TRIM63: variants seen among roughly 807,000 people sequenced by gnomAD.
TRIM63 encodes the protein tripartite motif containing 63, also known as E3 ubiquitin-protein ligase TRIM63.
In TRIM63, 48 loss-of-function variants were observed where a neutral mutation model predicts 46.0. That is an observed-to-expected ratio of 1.04 (90% confidence interval 0.83 to 1.33). The LOEUF is 1.33. Among genes scored for constraint, TRIM63 ranks in the 40% most tolerant of loss-of-function variants. The pLI is 0.00. For synonymous variants in TRIM63, 175 were observed against 162.8 expected (o/e 1.08, Z -0.57); for missense variants, 455 against 441.2 (o/e 1.03, Z -0.28).
Position 26,057,239 on chromosome 1 carries a change from T to C in TRIM63, c.943A>G (p.Ile315Val), listed in dbSNP as rs767717844. ...TCAATGGCTCTCAGGGCGTCTGCTA[T>C]GTGCTCTAAATCCAAAGTAAAGAAG... Reference protein sequence around the residue: ...MDFFTLDLEHIADALRAIDFG... With the variant: ...MDFFTLDLEHVADALRAIDFG... The change falls in exon 7 of 9, where the codon ATA becomes GTA. Residue 315 changes from isoleucine (I) to valine (V), a missense_variant. Coordinates refer to ENST00000374272, the MANE Select transcript of TRIM63 (RefSeq NM_032588.4). The C allele has an allele frequency of 1.9e-6, 3 of 1,614,092 alleles. No individual in the cohort carries two copies. Among genetic ancestry groups the C allele is most frequent in the African/African-American group, 1.3e-5 (1 of 74,930 alleles).
intron 2 of TRIM63, among the ~76,000 whole-genome samples, chr1:26,064,186 T>C (rs2050653349): frequency 6.6e-6 from 1 of 152,084 alleles, no homozygotes; most frequent in Non-Finnish European, 1.5e-5. Flanking sequence ...ATCCCAGCAC[T>C]TTGGGAGGCT....
rs112439606 is a variant in TRIM63 at position 26,063,608 on chromosome 1, T to C, written c.333-2274A>G. Among the ~76,000 whole-genome samples the C allele has an allele frequency of 4.3e-3, 655 of 152,314 alleles. 1 individual carries two copies. The highest frequency in any genetic ancestry group is 7.6e-3 in the Non-Finnish European group (518 of 68,016). On this transcript the variant is annotated intron_variant, in intron 2 of 8. Coordinates refer to ENST00000374272, the MANE Select transcript of TRIM63 (RefSeq NM_032588.4). Reference sequence around the variant, plus strand: ...TTCATGCGCCCGCAGCCCTCCCAGATGCCCACCCTCCCAAGCTCAGACTTT... The same window carrying C: ...TTCATGCGCCCGCAGCCCTCCCAGACGCCCACCCTCCCAAGCTCAGACTTT...
intron 1 of TRIM63, among the ~76,000 whole-genome samples, chr1:26,067,011 T>C (rs2050684491): frequency 6.6e-6 from 1 of 151,944 alleles, no homozygotes; most frequent in Admixed American, 6.6e-5. Context: ...GCCCCAGGGG[T>C]CTGGTTTCTC....
intron 7 of TRIM63, 65 bp from the exon 8 acceptor site, chr1:26,054,029 C>T (rs539175408): frequency 2.4e-6 from 3 of 1,234,762 alleles, no homozygotes; most frequent in Admixed American, 2.3e-5. Flanking sequence ...TGAAGAGGAA[C>T]CAGGCAAGAG....
At chr1:26,053,461 C>T (rs2124434886) in intron 8 of TRIM63, among the ~76,000 whole-genome samples, 1 of 152,080 alleles carries the variant, frequency 6.6e-6, no homozygotes, top group African/African-American at 2.4e-5. Context: ...ACCATGTTGG[C>T]CAGGCTGGCC....
Position 26,066,375 on chromosome 1 carries a change from G to A in TRIM63, c.225C>T (p.Cys75=). ...TGATCACCTCGTGGCGGCAGGTGGG[G>A]CAGCGGAAACGGCCTCCAGACATGG... The part of the protein sequence containing the change: ...SVSMSGGRFR[C]PTCRHEVIMD... The change falls in exon 2 of 9, where the codon TGC becomes TGT. Residue 75 remains cysteine, a synonymous_variant. Coordinates refer to ENST00000374272, the MANE Select transcript of TRIM63 (RefSeq NM_032588.4). 6.2e-7 allele frequency: 1 copy of A among 1,613,632 alleles called. No individual in the cohort carries two copies.
Position 26,067,317 on chromosome 1 carries a change from A to C in TRIM63, c.159+19T>G. 3 of 1,612,652 alleles carry C rather than the reference A, an allele frequency of 1.9e-6. No individual in the cohort carries two copies. Among genetic ancestry groups the C allele is most frequent in the Non-Finnish European group, 2.5e-6 (3 of 1,179,764 alleles). ...GTAGCCACCTGGGGACCCCAAATGAAGCTGCACCCGGCACTTACCTGGAAG... is the reference window on the plus strand; with the variant it reads ...GTAGCCACCTGGGGACCCCAAATGACGCTGCACCCGGCACTTACCTGGAAG... On this transcript the variant is annotated intron_variant, in intron 1 of 8. Coordinates refer to ENST00000374272, the MANE Select transcript of TRIM63 (RefSeq NM_032588.4).
At chr1:26,057,394 C>A in intron 6 of TRIM63, 67 bp from the exon 7 acceptor site, 1 of 1,578,116 alleles carries the variant, frequency 6.3e-7, no homozygotes, top group Non-Finnish European at 8.6e-7. Flanking sequence ...AGAGAGGGCA[C>A]ATGCTTTGCC....
intron 8 of TRIM63, among the ~76,000 whole-genome samples, chr1:26,053,621 T>G (rs1569725982): frequency 6.6e-6 from 1 of 152,238 alleles, no homozygotes. Flanking sequence ...TGAGCCCCTG[T>G]CTTTTCCCTC....
At chr1:26,056,148 CCT>C (rs1240612998) in intron 7 of TRIM63, among the ~76,000 whole-genome samples, 1 of 152,174 alleles carries the variant, frequency 6.6e-6, no homozygotes, top group East Asian at 1.9e-4. Flanking sequence ...TGGGATCTGC[CCT>C]CTCTTTCTCT....
chr1:26,052,646 T>C (rs2050532910), intron 8 of TRIM63, among the ~76,000 whole-genome samples: 1 of 152,024 alleles, frequency 6.6e-6, no homozygotes, highest in Admixed American at 6.6e-5. Context: ...TTTGTATTTT[T>C]AGTAGAGACG....
intron 2 of TRIM63, among the ~76,000 whole-genome samples, chr1:26,063,446 C>A: frequency 6.6e-6 from 1 of 152,338 alleles, no homozygotes; most frequent in Non-Finnish European, 1.5e-5. Flanking sequence ...AAATATGCCC[C>A]TTTCCAGGCT....
chr1:26,053,979 C>A lies in TRIM63; in HGVS notation c.980-15G>T. 1 of 1,570,546 alleles carries A rather than the reference C, an allele frequency of 6.4e-7. No homozygotes were observed. Among genetic ancestry groups the A allele is most frequent in the Non-Finnish European group, 8.6e-7 (1 of 1,162,482 alleles). ...CTCTTCCTCATCTGTGACAAAAAAACATTTGTGTTAGGATGGGGCCGGTTC... is the reference window on the plus strand; with the variant it reads ...CTCTTCCTCATCTGTGACAAAAAAAAATTTGTGTTAGGATGGGGCCGGTTC... On this transcript the variant is annotated splice_polypyrimidine_tract_variant and intron_variant, in intron 7 of 8. Transcript: ENST00000374272.
At chr1:26,057,426 A>G in intron 6 of TRIM63, 99 bp from the exon 7 acceptor site, 1 of 1,507,828 alleles carries the variant, frequency 6.6e-7, no homozygotes, top group Non-Finnish European at 9.0e-7. Flanking sequence ...TTCTACCCAG[A>G]GGCTCCCCTG....
intron 2 of TRIM63, among the ~76,000 whole-genome samples, chr1:26,062,766 AT>A (rs932848018): frequency 6.7e-6 from 1 of 150,132 alleles, no homozygotes; most frequent in Admixed American, 6.7e-5. Flanking sequence ...CCTGGGGGGG[AT>A]TTTTTTGTTG....
At chr1:26,057,780 C>T in intron 5 of TRIM63, 130 bp from the exon 6 acceptor site, 2 of 926,018 alleles carry the variant, frequency 2.2e-6, no homozygotes, top group Non-Finnish European at 3.2e-6. Flanking sequence ...TGACCTGCTC[C>T]CCACCCCAAA....
intron 2 of TRIM63, among the ~76,000 whole-genome samples, chr1:26,064,304 A>G (rs1439813164): frequency 1.3e-5 from 2 of 152,038 alleles, no homozygotes; most frequent in African/African-American, 4.8e-5. Flanking sequence ...GTTGGCACGC[A>G]TCTGTAGTCC....
Position 26,060,221 on chromosome 1 carries a change from C to G in TRIM63, c.597+45G>C, listed in dbSNP as rs2050610304. ...AGCCTTCCCCAGAGACCAGGCTGCC[C>G]TGGAAAGCTCCAAATCCCCAGGCAG... On this transcript the variant is annotated intron_variant, in intron 4 of 8. Transcript: ENST00000374272. 5.7e-6 allele frequency: 9 copies of G among 1,576,968 alleles called. No homozygotes were observed. The Middle Eastern group carries it at 1.0e-3, about 176-fold the overall frequency.
At chr1:26,066,730 G>A (rs2050681954) in intron 1 of TRIM63, among the ~76,000 whole-genome samples, 1 of 152,162 alleles carries the variant, frequency 6.6e-6, no homozygotes, top group Non-Finnish European at 1.5e-5. Flanking sequence ...GCCCACTTAT[G>A]AAATAGGTAT....
Sources: allele counts gnomAD v4.1 joint callset (sites outside exome capture counted in the v4.1 genomes callset), GRCh38; gene constraint gnomAD v4.1.1; transcripts MANE v1.5; gene names NCBI Gene and HGNC (gene_info 2026-07-23, HGNC 2026-07-21).